The following KANK4 variants were observed in gnomAD, a reference collection of about 807,000 sequenced individuals.
KANK4 encodes KN motif and ankyrin repeat domains 4.
Under a neutral mutation model 80.8 loss-of-function variants are expected in KANK4, and 50 were observed. The observed-to-expected ratio is 0.62, with a 90% CI of 0.49 to 0.78. The LOEUF is 0.78. Ranked by LOEUF, KANK4 falls within the 30% of genes least tolerant of loss-of-function variation. The pLI, the probability that KANK4 is intolerant of heterozygous loss-of-function variation, is 0.00. For synonymous variants in KANK4, 465 were observed against 506.9 expected (o/e 0.92, Z 1.11); for missense variants, 1,196 against 1,240.1 (o/e 0.96, Z 0.53).
intron 1 of KANK4, among the ~76,000 whole-genome samples, chr1:62,318,393 G>A (rs371963608): frequency 9.0e-4 from 137 of 152,316 alleles, no homozygotes; most frequent in African/African-American, 3.2e-3. Flanking sequence ...GCCAGTCTGC[G>A]GGGTCAAAGT....
At chr1:62,314,549 A>C (rs1310686302) in intron 1 of KANK4, among the ~76,000 whole-genome samples, 1 of 151,800 alleles carries the variant, frequency 6.6e-6, no homozygotes, top group African/African-American at 2.4e-5. Context: ...CTGCTCTTTT[A>C]TCCTTGTGTG....
intron 9 of KANK4, among the ~76,000 whole-genome samples, chr1:62,242,458 G>T (rs1042398629): frequency 2.0e-5 from 3 of 151,602 alleles, no homozygotes; most frequent in Non-Finnish European, 2.9e-5. Context: ...TTGGAGAGGG[G>T]TGTCTTTGAA....
At chr1:62,301,292 G>A (rs1258101038) in intron 1 of KANK4, among the ~76,000 whole-genome samples, 1 of 152,036 alleles carries the variant, frequency 6.6e-6, no homozygotes, top group Non-Finnish European at 1.5e-5. Context: ...ATGTGTGCAC[G>A]CTCCTACTAC....
At chr1:62,308,903 G>A (rs1451243427) in intron 1 of KANK4, among the ~76,000 whole-genome samples, 1 of 152,162 alleles carries the variant, frequency 6.6e-6, no homozygotes, top group African/African-American at 2.4e-5. Flanking sequence ...GGGTCCCCCT[G>A]ACTTCTGATT....
At chr1:62,309,301 G>C (rs6682425) in intron 1 of KANK4, among the ~76,000 whole-genome samples, 116,715 of 152,114 alleles carry the variant, frequency 0.77, 44,889 homozygotes, top group East Asian at 0.84. Context: ...CCCAAAGATT[G>C]CATGTCCTAA....
chr1:62,239,256 C>G (rs188719766), intron 9 of KANK4, among the ~76,000 whole-genome samples: 1 of 152,102 alleles, frequency 6.6e-6, no homozygotes, highest in East Asian at 1.9e-4. Context: ...TATTGTATAC[C>G]AACTTTGAAT....
At chr1:62,247,764 A>G in intron 8 of KANK4, 92 bp from the exon 9 acceptor site, 3 of 1,004,476 alleles carry the variant, frequency 3.0e-6, no homozygotes, top group Non-Finnish European at 4.6e-6. Context: ...AGACTTCTCA[A>G]TACCACAACC....
Position 62,273,557 on chromosome 1 carries a change from G to A in KANK4, c.1547C>T (p.Thr516Ile). ...TEQEGGPQGGTRGAGGFLWGS... is the reference protein window; with the variant it reads ...TEQEGGPQGGIRGAGGFLWGS... ...CCACAGAAAGCCTCCTGCTCCCCTG[G>A]TTCCTCCCTGAGGGCCTCCTTCCTG... The change falls in exon 3 of 10, where the codon ACC (threonine) becomes ATC (isoleucine). Residue 516 changes from threonine to isoleucine, a missense_variant. Coordinates refer to ENST00000371153, the MANE Select transcript of KANK4 (RefSeq NM_181712.5). 1.2e-6 allele frequency: 2 copies of A among 1,613,754 alleles called. No individual in the cohort carries two copies. The highest frequency in any genetic ancestry group is 1.7e-6 in the Non-Finnish European group (2 of 1,179,712).
Position 62,263,204 on chromosome 1 carries a change from G to T in KANK4, c.2427C>A (p.Ser809=). 1 of 1,613,952 alleles carries T rather than the reference G, an allele frequency of 6.2e-7. No homozygotes were observed. The highest frequency in any genetic ancestry group is 1.1e-5 in the South Asian group (1 of 91,042). ...TGACAAGCAGTTTCAGGAAGTGTGG[G>T]GAGTGAGGCTGGACCTCGTGGAGGT... ...ASYLHEVQPH[S]PHFLKLLVNL... Residue 809 remains serine (S), a synonymous_variant, in exon 7 of 10, where the codon TCC becomes TCA. Transcript: ENST00000371153.
intron 1 of KANK4, among the ~76,000 whole-genome samples, chr1:62,284,411 G>A (rs1283678380): frequency 2.0e-5 from 3 of 152,136 alleles, no homozygotes; most frequent in African/African-American, 4.8e-5. Context: ...CCGCCTCCTG[G>A]GTTCAAGCCA....
At chr1:62,278,487 G>C (rs549249464) in intron 2 of KANK4, among the ~76,000 whole-genome samples, 1 of 151,242 alleles carries the variant, frequency 6.6e-6, no homozygotes, top group African/African-American at 2.4e-5. Context: ...CCGCCTCCCA[G>C]GTTCAAGTGA....
chr1:62,265,133 G>A (rs1671989778), intron 6 of KANK4, among the ~76,000 whole-genome samples: 1 of 151,830 alleles, frequency 6.6e-6, no homozygotes, highest in African/African-American at 2.4e-5. Flanking sequence ...GACCGGTCGA[G>A]TGGTGGATTT....
chr1:62,274,116 C>T lies in KANK4; in HGVS notation c.988G>A (p.Glu330Lys), dbSNP rs1672243166. Residue 330 changes from glutamate (E) to lysine (K), a missense_variant, in exon 3 of 10, where the codon GAA (glutamate) becomes AAA (lysine). By Grantham distance (56) the Glu-to-Lys change is moderately conservative (BLOSUM62 1). Transcript: ENST00000371153. ...MRSIGIRVTE[E>K]SLGLARVDPG... Reference sequence around the variant, plus strand: ...TCCACCCTGGCAAGGCCCAGGCTTTCCTCAGTTACCCTGATGCCAATGCTT... The same window carrying T: ...TCCACCCTGGCAAGGCCCAGGCTTTTCTCAGTTACCCTGATGCCAATGCTT... 11 of 1,614,082 alleles carry T rather than the reference C, an allele frequency of 6.8e-6. No homozygotes were observed. In the South Asian group the frequency reaches 8.8e-5, roughly 13 times the overall value.
chr1:62,265,017 G>A (rs1671986377), intron 6 of KANK4, among the ~76,000 whole-genome samples: 1 of 152,188 alleles, frequency 6.6e-6, no homozygotes, highest in Admixed American at 6.5e-5. Flanking sequence ...CTTTAGTAGA[G>A]ACAGGGTTTT....
At chr1:62,312,370 A>T (rs2149174114) in intron 1 of KANK4, among the ~76,000 whole-genome samples, 1 of 152,336 alleles carries the variant, frequency 6.6e-6, no homozygotes, top group African/African-American at 2.4e-5. Context: ...TTCGTAATAC[A>T]AGAAAATCCT....
At position 62,238,632 on chromosome 1, in the gene KANK4, CT is replaced by C. The variant is rs199999610; in HGVS notation, c.2884-252del. Among the ~76,000 whole-genome samples the C allele has an allele frequency of 0.012, 1,690 of 142,146 alleles. 22 individuals carry two copies. The highest frequency in any genetic ancestry group is 0.038 in the African/African-American group (1,496 of 38,906). 93.3% of individuals were successfully genotyped at this position (142,146 alleles called of 152,430 possible). ...GAAGGGCCATCTAGTTTTTAATGCT[CT>C]TTTTTTTTTTTTTTGAGATGGAGTC... is the stretch of plus-strand genomic sequence containing the variant. On this transcript the variant is annotated intron_variant, in intron 9 of 9. Transcript: ENST00000371153.
chr1:62,279,024 A>G (rs1325556165), intron 2 of KANK4, among the ~76,000 whole-genome samples: 1 of 152,206 alleles, frequency 6.6e-6, no homozygotes, highest in African/African-American at 2.4e-5. Context: ...GATTTGCCCA[A>G]CGGCCTCTGG....
intron 1 of KANK4, among the ~76,000 whole-genome samples, chr1:62,304,612 C>T (rs1038704055): frequency 5.3e-5 from 8 of 151,828 alleles, no homozygotes; most frequent in African/African-American, 9.7e-5. Flanking sequence ...CCATCCTCTT[C>T]GCTTGCTCCC....
chr1:62,284,206 A>G (rs1483708765), intron 1 of KANK4, among the ~76,000 whole-genome samples: 1 of 152,162 alleles, frequency 6.6e-6, no homozygotes, highest in Admixed American at 6.6e-5. Flanking sequence ...CCAGTGGGCA[A>G]TGCTCAGTGT....
Sources: allele counts gnomAD v4.1 joint callset (sites outside exome capture counted in the v4.1 genomes callset), GRCh38; gene constraint gnomAD v4.1.1; transcripts MANE v1.5; gene names NCBI Gene and HGNC (gene_info 2026-07-23, HGNC 2026-07-21).